Variants in COLEC10 observed in about 807,000 individuals in gnomAD.
The protein encoded by COLEC10 is collectin subfamily member 10, also known as collectin-10.
A neutral mutation model predicts 28.4 loss-of-function variants in COLEC10; 22 were observed. That is an observed-to-expected ratio of 0.78 (90% confidence interval 0.55 to 1.11). COLEC10 has a LOEUF of 1.11. COLEC10 is among the 50% of genes least tolerant of loss of function. COLEC10 has a pLI of 0.00. For synonymous variants in COLEC10, 125 were observed against 116.1 expected (o/e 1.08, Z -0.49); for missense variants, 361 against 344.1 (o/e 1.05, Z -0.39).
rs573354121 is a variant in COLEC10, at chr8:119,078,910, A to G, written c.149-10770A>G. 2.5e-4 allele frequency among the ~76,000 whole-genome samples: 38 copies of G among 152,226 alleles called. No individual in the cohort carries two copies. In the East Asian group the frequency reaches 3.7e-3, roughly 15 times the overall value. The stretch of plus-strand genomic sequence containing the variant: ...CTCACTTTGTACTGAAATGAGTTTG[A>G]GAGAGAATATTGTATGTTACATATA... On this transcript the variant is annotated intron_variant, in intron 1 of 5. Coordinates refer to ENST00000332843, the MANE Select transcript of COLEC10 (RefSeq NM_006438.5).
In COLEC10 at chr8:119,091,209, T is replaced by C. The variant is rs776143014; in HGVS notation, c.281T>C (p.Ile94Thr). 37 of 1,611,660 alleles carry C rather than the reference T, an allele frequency of 2.3e-5. No homozygotes were observed. Among genetic ancestry groups the C allele is most frequent in the East Asian group, 4.5e-5 (2 of 44,722 alleles). Residue 94 changes from isoleucine to threonine, a missense_variant, in exon 3 of 6, where the codon ATT becomes ACT. Around this residue, in one of 3 missense-constraint regions of COLEC10, gnomAD observed 335 missense variants for 308.5 expected, o/e 1.09. Coordinates refer to ENST00000332843, the MANE Select transcript of COLEC10 (RefSeq NM_006438.5). ...DQGNIGKTGP[I>T]GKKGDKGEKG... is the part of the protein sequence containing the mutation. ...GGCAATATTGGCAAGACTGGGCCCA[T>C]TGGGAAGAAGGGTAAGTTGCATCTT... is the stretch of plus-strand genomic sequence containing the variant.
At chr8:118,957,585 C>G in the COLEC10 span, among the ~76,000 whole-genome samples, 1 of 152,138 alleles carries the variant, frequency 6.6e-6, no homozygotes, top group African/African-American at 2.4e-5. Context: ...AAGGACTTGT[C>G]AGTTGAATCT....
At chr8:119,020,613 A>C (rs1405275295) in intron 2 of COLEC10, among the ~76,000 whole-genome samples, 1 of 152,166 alleles carries the variant, frequency 6.6e-6, no homozygotes, top group East Asian at 1.9e-4. Context: ...AATAAGGATA[A>C]GACAGGAAGT....
chr8:119,076,526 GT>G (rs1269449617), intron 1 of COLEC10, among the ~76,000 whole-genome samples: 1 of 152,200 alleles, frequency 6.6e-6, no homozygotes, highest in Admixed American at 6.5e-5. Flanking sequence ...GCCTCCCAAA[GT>G]TTTGGGATTA....
intron 1 of COLEC10, among the ~76,000 whole-genome samples, chr8:119,006,653 G>C (rs930767921): frequency 2.0e-5 from 3 of 152,008 alleles, no homozygotes; most frequent in Admixed American, 6.6e-5. Flanking sequence ...CTTTGCCCAG[G>C]ATTTTCATCT....
At chr8:118,968,784 C>G in the COLEC10 span, among the ~76,000 whole-genome samples, 139 of 151,816 alleles carry the variant, frequency 9.2e-4, no homozygotes, top group Non-Finnish European at 1.8e-3. Context: ...CCCCCTACCC[C>G]CAACAGGCCC....
rs966993690 is a variant in COLEC10 at position 119,051,434 on chromosome 8, G to A, written n.236-38246G>A. ...TTAAAGTGAAGGTTTTTATGAAGAA[G>A]ATGGAGATAATTTATCTATTGAAAA... On this transcript the variant is annotated intron_variant and non_coding_transcript_variant, in intron 2 of 6. Coordinates refer to the COLEC10 transcript ENST00000521788. Among the ~76,000 whole-genome samples, 3 of 152,280 alleles carry A rather than the reference G, an allele frequency of 2.0e-5. No individual in the cohort carries two copies. In the South Asian group the frequency reaches 6.2e-4, roughly 32 times the overall value.
intron 1 of COLEC10, among the ~76,000 whole-genome samples, chr8:119,080,455 TA>T (rs1459373308): frequency 6.6e-6 from 1 of 152,166 alleles, no homozygotes; most frequent in Non-Finnish European, 1.5e-5. Context: ...ATTATTTAAA[TA>T]ATACTCCAAG....
chr8:118,968,874 T>C, the COLEC10 span, among the ~76,000 whole-genome samples: 1 of 152,024 alleles, frequency 6.6e-6, no homozygotes, highest in Non-Finnish European at 1.5e-5. Flanking sequence ...ATGTGGTGTT[T>C]GGTTTTCTGC....
At chr8:119,067,120 G>A (rs923452418), upstream of COLEC10, 2 of 640,092 alleles carry the variant, frequency 3.1e-6, no homozygotes, top group Non-Finnish European at 5.3e-6. Context: ...GGAGCACTGA[G>A]AAAATAAACA....
chr8:119,037,144 A>G (rs1814403404), intron 2 of COLEC10, among the ~76,000 whole-genome samples: 1 of 152,328 alleles, frequency 6.6e-6, no homozygotes, highest in Middle Eastern at 3.4e-3. Flanking sequence ...AGAATGACCC[A>G]TCCCAAACCA....
the COLEC10 span, among the ~76,000 whole-genome samples, chr8:118,955,717 A>T: frequency 6.6e-6 from 1 of 152,188 alleles, no homozygotes; most frequent in East Asian, 1.9e-4. Context: ...GGCAAGGAGG[A>T]CAGGGTGTTA....
intron 1 of COLEC10, among the ~76,000 whole-genome samples, chr8:119,077,615 C>G (rs1815273473): frequency 6.6e-6 from 1 of 152,130 alleles, no homozygotes; most frequent in Non-Finnish European, 1.5e-5. Flanking sequence ...ACCAGTGCAA[C>G]AAAGTTATTG....
chr8:119,002,922 A>G (rs1489322233), intron 1 of COLEC10, among the ~76,000 whole-genome samples: 15 of 152,162 alleles, frequency 9.9e-5, no homozygotes, highest in Admixed American at 9.8e-4. Context: ...CCTGTTGGTA[A>G]CTGAGTAACC....
At chr8:119,002,249 T>C (rs1813715294) in intron 1 of COLEC10, among the ~76,000 whole-genome samples, 1 of 152,132 alleles carries the variant, frequency 6.6e-6, no homozygotes, top group Non-Finnish European at 1.5e-5. Flanking sequence ...TTCAAAAGTG[T>C]AATAGAAAAA....
chr8:119,040,685 T>A (rs990703442), intron 2 of COLEC10, among the ~76,000 whole-genome samples: 8 of 152,126 alleles, frequency 5.3e-5, no homozygotes, highest in Non-Finnish European at 1.2e-4. Flanking sequence ...AAAATAAAGT[T>A]TAATGAAAGG....
At chr8:119,054,002 C>T (rs1814722948) in intron 2 of COLEC10, among the ~76,000 whole-genome samples, 1 of 152,064 alleles carries the variant, frequency 6.6e-6, no homozygotes, top group African/African-American at 2.4e-5. Context: ...ATGTCAGCAT[C>T]ACTATTCTTG....
chr8:118,971,743 G>A, the COLEC10 span, among the ~76,000 whole-genome samples: 1 of 151,998 alleles, frequency 6.6e-6, no homozygotes, highest in African/African-American at 2.4e-5. Context: ...ACCTCATAAA[G>A]GAGTCTAGTT....
chr8:119,086,624 C>T (rs1268168893), intron 1 of COLEC10, among the ~76,000 whole-genome samples: 2 of 152,132 alleles, frequency 1.3e-5, no homozygotes, highest in Non-Finnish European at 2.9e-5. Context: ...CACCAGGGAG[C>T]AGTAGATCAC....
Sources: allele counts gnomAD v4.1 joint callset (sites outside exome capture counted in the v4.1 genomes callset), GRCh38; gene constraint gnomAD v4.1.1; regional missense constraint gnomAD v4.1.1; transcripts MANE v1.5; gene names NCBI Gene and HGNC (gene_info 2026-07-23, HGNC 2026-07-21).